Variants in DAGLB observed in about 807,000 individuals in gnomAD.
The protein encoded by DAGLB is diacylglycerol lipase beta.
Under a neutral mutation model 72.1 loss-of-function variants are expected in DAGLB, and 66 were observed. The observed-to-expected ratio is 0.92, with a 90% CI of 0.75 to 1.12. The LOEUF (loss-of-function observed/expected upper bound fraction) is 1.12, where lower values mean the gene tolerates loss of function less well. Ranked by LOEUF, DAGLB falls within the 50% of genes most tolerant of loss-of-function variation. The pLI, the probability that DAGLB is intolerant of heterozygous loss-of-function variation, is 0.00. For missense variants in DAGLB, 1,065 were observed against 884.9 expected, an observed-to-expected ratio of 1.20 and a Z score of -2.58; for synonymous variants, 414 against 359.5, an observed-to-expected ratio of 1.15 and a Z score of -1.71.
In DAGLB at chr7:6,432,876, C is replaced by G; in HGVS notation, c.762G>C (p.Glu254Asp). ...GGGCATGGCAGACCACCTGGGCAGG[C>G]TCTTGGTTGTTCCTGATATTGTCCT... is the stretch of plus-strand genomic sequence containing the variant. The part of the protein sequence containing the change: ...QQQDNIRNNQ[E>D]PAQVVCHAPG... The change falls in exon 5 of 15, where the codon GAG (glutamate) becomes GAC (aspartate). Residue 254 changes from glutamate (E) to aspartate (D), a missense_variant. Glu to Asp is a conservative substitution (Grantham distance 45). Transcript: ENST00000297056. 2 of 1,613,912 alleles carry G rather than the reference C, an allele frequency of 1.2e-6. No individual in the cohort carries two copies. The highest frequency in any genetic ancestry group is 1.7e-6 in the Non-Finnish European group (2 of 1,180,020).
In DAGLB at chr7:6,434,920, C is replaced by T. The variant is rs969525296; in HGVS notation, c.520G>A (p.Asp174Asn). The T allele has an allele frequency of 2.5e-6, 4 of 1,614,188 alleles. No individual in the cohort carries two copies. In the Admixed American group the frequency reaches 5.0e-5, roughly 20 times the overall value. Residue 174 changes from aspartate to asparagine, a missense_variant, in exon 4 of 15, where the codon GAT (aspartate) becomes AAT (asparagine). Coordinates refer to ENST00000297056, the MANE Select transcript of DAGLB (RefSeq NM_139179.4). ...PYSSAGPSHL[D>N]SHDSSQLLNG... ...AGTAACTGGCTTGAATCATGACTAT[C>T]CAGGTGGCTGGGGCCGGCAGAGGAA... is the stretch of plus-strand genomic sequence containing the variant.
chr7:6,420,949 C>T (rs911987312), intron 9 of DAGLB, among the ~76,000 whole-genome samples: 90 of 152,222 alleles, frequency 5.9e-4, no homozygotes, highest in African/African-American at 2.0e-3. Context: ...CCCTGGTGCG[C>T]ACTCTCTGCT....
intron 5 of DAGLB, among the ~76,000 whole-genome samples, chr7:6,432,142 T>C (rs937501469): frequency 6.6e-6 from 1 of 150,666 alleles, no homozygotes. Flanking sequence ...CCTGAGGTCA[T>C]GAGTTTGAGA....
intron 13 of DAGLB, chr7:6,412,489 A>C: frequency 1.0e-5 from 3 of 290,486 alleles, no homozygotes; most frequent in Non-Finnish European, 1.9e-5. Flanking sequence ...GAATAGAGAC[A>C]GGGTCTTGTT....
At chr7:6,412,776 G>A (rs1435501391) in intron 13 of DAGLB, 35 bp downstream of exon 13, 4 of 1,559,480 alleles carry the variant, frequency 2.6e-6, no homozygotes, top group African/African-American at 1.4e-5. Flanking sequence ...CAGGCCCCGT[G>A]TCCTGCTGAC....
chr7:6,434,107 C>T (rs1162292905), intron 4 of DAGLB, among the ~76,000 whole-genome samples: 2 of 152,076 alleles, frequency 1.3e-5, no homozygotes, highest in African/African-American at 2.4e-5. Flanking sequence ...TCGGATAGCA[C>T]AGAGGTGGGA....
chr7:6,416,571 C>T, intron 11 of DAGLB, 56 bp downstream of exon 11: 1 of 1,542,712 alleles, frequency 6.5e-7, no homozygotes, highest in Admixed American at 2.2e-5. Context: ...AAAGATGAGT[C>T]TTGACCACAT....
intron 5 of DAGLB, among the ~76,000 whole-genome samples, 190 bp downstream of exon 5, chr7:6,432,647 G>A (rs149304682): frequency 0.13 from 17,433 of 129,624 alleles, 1,235 homozygotes; most frequent in Admixed American, 0.2. Context: ...GCGACAGAGC[G>A]AGACTCCGTC....
intron 9 of DAGLB, among the ~76,000 whole-genome samples, chr7:6,418,695 C>T (rs755636761): frequency 6.6e-6 from 1 of 151,212 alleles, no homozygotes; most frequent in Non-Finnish European, 1.5e-5. Flanking sequence ...GACAGAGTCT[C>T]GCTTTGTCGC....
In DAGLB at chr7:6,409,776, A is replaced by C; in HGVS notation, c.*61T>G. The C allele has an allele frequency of 2.6e-6, 4 of 1,558,894 alleles. No homozygotes were observed. The highest frequency in any genetic ancestry group is 3.5e-6 in the Non-Finnish European group (4 of 1,147,786). On this transcript the variant is annotated 3_prime_UTR_variant, in exon 15 of 15. Transcript: ENST00000297056. ...CGTCATGGGAACTCCTCGGATGGTA[A>C]GTCAGTTTAAGGACAAAAGCGTGAG...
At chr7:6,426,659 C>A (rs1784320086) in intron 6 of DAGLB, among the ~76,000 whole-genome samples, 1 of 152,072 alleles carries the variant, frequency 6.6e-6, no homozygotes, top group Admixed American at 6.6e-5. Flanking sequence ...TTTCTATATT[C>A]AAAAAATTCA....
Position 6,447,662 on chromosome 7 carries a change from G to C in DAGLB, c.95+86C>G, listed in dbSNP as rs3750037. 0.73 allele frequency: 1,089,084 copies of C among 1,496,776 alleles called. 403,201 individuals carry two copies. Among genetic ancestry groups the C allele is most frequent in the Middle Eastern group, 0.85 (4,769 of 5,626 alleles). The allele number at this position is 1,496,776 out of a possible 1,614,324, so 92.7% of individuals were successfully genotyped here. A position where few individuals can be genotyped will look rare whatever the true frequency, so the allele number is the denominator to read the frequency against. On this transcript the variant is annotated intron_variant, in intron 1 of 14. Coordinates refer to ENST00000297056, the MANE Select transcript of DAGLB (RefSeq NM_139179.4). ...CTGGGACCGCGACAGTGCTTGGGAA[G>C]CCACTTCTGTCACCGTCTCAAGGGA...
intron 4 of DAGLB, among the ~76,000 whole-genome samples, chr7:6,433,936 T>C (rs1172772367): frequency 6.6e-6 from 1 of 152,066 alleles, no homozygotes; most frequent in Non-Finnish European, 1.5e-5. Flanking sequence ...CGACATCCTC[T>C]AGAAATAACC....
intron 7 of DAGLB, 110 bp from the exon 8 acceptor site, chr7:6,424,945 AGAG>A: frequency 9.6e-7 from 1 of 1,043,548 alleles, no homozygotes; most frequent in Non-Finnish European, 1.5e-6. Flanking sequence ...TGCGGCACAG[AGAG>A]GAGGGGACAC....
At chr7:6,425,010 G>A (rs755914061) in intron 7 of DAGLB, among the ~76,000 whole-genome samples, 175 bp from the exon 8 acceptor site, 1 of 152,202 alleles carries the variant, frequency 6.6e-6, no homozygotes, top group Non-Finnish European at 1.5e-5. Flanking sequence ...GGCAGGGACT[G>A]GCCTTCATAA....
intron 11 of DAGLB, among the ~76,000 whole-genome samples, chr7:6,413,385 C>T (rs1783798553): frequency 6.6e-6 from 1 of 152,194 alleles, no homozygotes; most frequent in African/African-American, 2.4e-5. Context: ...AATCCCAGCA[C>T]TTTGGGAGGC....
chr7:6,443,074 T>C lies in DAGLB; in HGVS notation c.247+2879A>G, dbSNP rs563325346. Among the ~76,000 whole-genome samples, 8 of 148,826 alleles carry C rather than the reference T, an allele frequency of 5.4e-5. 1 individual carries two copies. The South Asian group carries it at 1.7e-3, about 31-fold the overall frequency. On this transcript the variant is annotated intron_variant, in intron 2 of 14. Coordinates refer to ENST00000297056, the MANE Select transcript of DAGLB (RefSeq NM_139179.4). The stretch of plus-strand genomic sequence containing the variant: ...GGCGGGCGCCTGTAGTCCCAGCTAC[T>C]TGGGAGGCTGAGGCAGGAGAATGGC...
intron 8 of DAGLB, among the ~76,000 whole-genome samples, chr7:6,424,148 G>T (rs567572243): frequency 1.3e-5 from 2 of 152,222 alleles, no homozygotes; most frequent in Admixed American, 1.3e-4. Context: ...CTGAGGAGTG[G>T]CCAGGAGGAA....
chr7:6,436,176 G>A (rs1310961980), intron 3 of DAGLB, among the ~76,000 whole-genome samples, 186 bp downstream of exon 3: 8 of 151,952 alleles, frequency 5.3e-5, no homozygotes, highest in Non-Finnish European at 1.0e-4. Flanking sequence ...CGTGCATAAC[G>A]AAAGACGAGT....
Sources: allele counts gnomAD v4.1 joint callset (sites outside exome capture counted in the v4.1 genomes callset), GRCh38; gene constraint gnomAD v4.1.1; transcripts MANE v1.5; gene names NCBI Gene and HGNC (gene_info 2026-07-23, HGNC 2026-07-21).